Variants in COG1 observed in about 807,000 individuals in gnomAD.
COG1 encodes the protein component of oligomeric golgi complex 1.
A neutral mutation model predicts 102.2 loss-of-function variants in COG1; 61 were observed. The observed-to-expected ratio is 0.60, with a 90% CI of 0.49 to 0.74. The LOEUF is 0.74. Ranked by LOEUF, COG1 falls within the 30% of genes least tolerant of loss-of-function variation. COG1 has a pLI of 0.00. For synonymous variants in COG1, 454 were observed against 493.6 expected, an observed-to-expected ratio of 0.92 and a Z score of 1.06; for missense variants, 1,164 against 1,232.1, an observed-to-expected ratio of 0.94 and a Z score of 0.83.
chr17:73,208,363 C>A lies in COG1; in HGVS notation c.2855C>A (p.Ser952Tyr). 1 of 1,614,178 alleles carries A rather than the reference C, an allele frequency of 6.2e-7. No homozygotes were observed. The highest frequency in any genetic ancestry group is 8.5e-7 in the Non-Finnish European group (1 of 1,180,002). Reference sequence around the variant, plus strand: ...GCTGGTGACCCGACAGTTCCTGGCTCCTTGTTCAGACAGCTTGTCAGTGAA... The same window carrying A: ...GCTGGTGACCCGACAGTTCCTGGCTACTTGTTCAGACAGCTTGTCAGTGAA... ...STAGDPTVPG[S>Y]LFRQLVSEED... The change falls in exon 14 of 14, where the codon TCC (serine) becomes TAC (tyrosine). Residue 952 changes from serine (S) to tyrosine (Y), a missense_variant. Physicochemically the swap from Ser to Tyr is moderately radical, Grantham distance 144. Transcript: ENST00000299886.
chr17:73,202,002 T>A, intron 7 of COG1, 102 bp downstream of exon 7: 1 of 1,175,890 alleles, frequency 8.5e-7, no homozygotes, highest in Non-Finnish European at 1.2e-6. Flanking sequence ...AAAACAATTC[T>A]GATTTCATAC....
chr17:73,193,826 C>A (rs913295629), intron 1 of COG1, among the ~76,000 whole-genome samples: 2 of 152,128 alleles, frequency 1.3e-5, no homozygotes, highest in Non-Finnish European at 2.9e-5. Flanking sequence ...CCCTTATCTC[C>A]CCAAGAATAA....
intron 5 of COG1, 74 bp from the exon 6 acceptor site, chr17:73,200,492 T>C: frequency 8.2e-7 from 1 of 1,213,694 alleles, no homozygotes; most frequent in Non-Finnish European, 1.2e-6. Flanking sequence ...TCAAATGGGA[T>C]TCTGATGTTT....
intron 3 of COG1, 60 bp from the exon 4 acceptor site, chr17:73,197,166 T>C: frequency 1.2e-6 from 2 of 1,612,300 alleles, no homozygotes; most frequent in Non-Finnish European, 1.7e-6. Flanking sequence ...CTCCAGAGCG[T>C]CCTCTGTCTT....
At position 73,208,344 on chromosome 17, in the gene COG1, G is replaced by C. The variant is rs139440017; in HGVS notation, c.2836G>C (p.Asp946His). The C allele has an allele frequency of 1.9e-6, 3 of 1,613,970 alleles. No individual in the cohort carries two copies. The highest frequency in any genetic ancestry group is 2.5e-6 in the Non-Finnish European group (3 of 1,180,010). Reference sequence around the variant, plus strand: ...CCCCCCGGCACGCTCCACAGCTGGTGACCCGACAGTTCCTGGCTCCTTGTT... The same window carrying C: ...CCCCCCGGCACGCTCCACAGCTGGTCACCCGACAGTTCCTGGCTCCTTGTT... ...VVPPARSTAGDPTVPGSLFRQ... is the reference protein window; with the variant it reads ...VVPPARSTAGHPTVPGSLFRQ... The change falls in exon 14 of 14, where the codon GAC becomes CAC. Residue 946 changes from aspartate (D) to histidine (H), a missense_variant. Transcript: ENST00000299886.
Position 73,206,807 on chromosome 17 carries a change from A to G in COG1, c.2719A>G (p.Ser907Gly), listed in dbSNP as rs1468033790. Residue 907 changes from serine to glycine, a missense_variant, in exon 12 of 14, where the codon AGT (serine) becomes GGT (glycine). Coordinates refer to ENST00000299886, the MANE Select transcript of COG1 (RefSeq NM_018714.3). ...EPHNILPLAS[S>G]QIRFGLLPLS... ...CCATAACATCCTGCCACTGGCATCCAGTCAGATCAGGTAAAGGCTGCCAAG... is the reference window on the plus strand; with the variant it reads ...CCATAACATCCTGCCACTGGCATCCGGTCAGATCAGGTAAAGGCTGCCAAG... 1.2e-6 allele frequency: 2 copies of G among 1,613,334 alleles called. No homozygotes were observed. The highest frequency in any genetic ancestry group is 1.1e-5 in the South Asian group (1 of 91,060).
chr17:73,200,269 G>C (rs1156928800), intron 5 of COG1, among the ~76,000 whole-genome samples: 14 of 152,218 alleles, frequency 9.2e-5, no homozygotes, highest in Non-Finnish European at 1.9e-4. Context: ...CTTTATGTGA[G>C]AGTTCTGCAA....
chr17:73,194,934 T>G (rs2061319780), intron 1 of COG1, among the ~76,000 whole-genome samples: 1 of 152,228 alleles, frequency 6.6e-6, no homozygotes, highest in Non-Finnish European at 1.5e-5. Context: ...CTATCTGAGC[T>G]TTACAGAAAT....
rs771168375 is a variant in COG1 at position 73,200,037 on chromosome 17, G to T, written c.1070+16G>T. 1.2e-6 allele frequency: 2 copies of T among 1,605,746 alleles called. No homozygotes were observed. The highest frequency in any genetic ancestry group is 2.2e-5 in the South Asian group (2 of 89,736). On this transcript the variant is annotated intron_variant, in intron 5 of 13. Transcript: ENST00000299886. ...GGATCCACATGTAAGTAACCAGAAA[G>T]AGCTTCCCTGCAGCTGGCAGGAGCC... is the stretch of plus-strand genomic sequence containing the variant.
At chr17:73,196,359 G>A (rs191902433) in intron 1 of COG1, 148 bp from the exon 2 acceptor site, 4 of 1,159,520 alleles carry the variant, frequency 3.4e-6, no homozygotes, top group Non-Finnish European at 5.1e-6. Flanking sequence ...CTTCTACACT[G>A]GGCTTTGATG....
chr17:73,202,012 C>T (rs966740482), intron 7 of COG1, 112 bp downstream of exon 7: 19 of 1,125,182 alleles, frequency 1.7e-5, no homozygotes, highest in African/African-American at 7.7e-5. Flanking sequence ...TGATTTCATA[C>T]GGTTAACTTT....
Position 73,208,342 on chromosome 17 carries a change from G to T in COG1, c.2834G>T (p.Gly945Val). Residue 945 changes from glycine (G) to valine (V), a missense_variant, in exon 14 of 14, where the codon GGT becomes GTT. Physicochemically the swap from Gly to Val is moderately radical, Grantham distance 109. Coordinates refer to ENST00000299886, the MANE Select transcript of COG1 (RefSeq NM_018714.3). Reference sequence around the variant, plus strand: ...GTCCCCCCGGCACGCTCCACAGCTGGTGACCCGACAGTTCCTGGCTCCTTG... The same window carrying T: ...GTCCCCCCGGCACGCTCCACAGCTGTTGACCCGACAGTTCCTGGCTCCTTG... ...QVVPPARSTA[G>V]DPTVPGSLFR... 2.5e-6 allele frequency: 4 copies of T among 1,614,084 alleles called. No homozygotes were observed. Among genetic ancestry groups the T allele is most frequent in the Non-Finnish European group, 3.4e-6 (4 of 1,180,012 alleles).
At position 73,196,910 on chromosome 17, in the gene COG1, C is replaced by G; in HGVS notation, c.571C>G (p.Leu191Val). 1 of 1,614,224 alleles carries G rather than the reference C, an allele frequency of 6.2e-7. No individual in the cohort carries two copies. The change falls in exon 3 of 14, where the codon CTG becomes GTG. Residue 191 changes from leucine to valine, a missense_variant. Physicochemically the swap from Leu to Val is conservative, Grantham distance 32. Transcript: ENST00000299886. ...TCATCATTTTTCTAGGTCAACTATTCTGCATGAAAGCAAGATGTTGCTCAA... is the reference window on the plus strand; with the variant it reads ...TCATCATTTTTCTAGGTCAACTATTGTGCATGAAAGCAAGATGTTGCTCAA... Reference protein sequence around the residue: ...AAASHFRSTILHESKMLLKCQ... With the variant: ...AAASHFRSTIVHESKMLLKCQ...
In COG1 at chr17:73,193,186, C is replaced by G. The variant is rs1232142172; in HGVS notation, c.117C>G (p.Ala39=). Residue 39 remains alanine, a synonymous_variant, in exon 1 of 14, where the codon GCC becomes GCG. Coordinates refer to ENST00000299886, the MANE Select transcript of COG1 (RefSeq NM_018714.3). ...GCGGGCTGGAGCGCCAGGTTCGGGC[C>G]GAGATCGAGCACAAGAAGGAGGAGC... is the stretch of plus-strand genomic sequence containing the variant. ...EIRGLERQVR[A]EIEHKKEELR... 4 of 1,607,850 alleles carry G rather than the reference C, an allele frequency of 2.5e-6. No individual in the cohort carries two copies. The highest frequency in any genetic ancestry group is 1.7e-4 in the Middle Eastern group (1 of 5,968).
At chr17:73,204,368 G>A (rs992599148) in intron 9 of COG1, among the ~76,000 whole-genome samples, 3 of 152,138 alleles carry the variant, frequency 2.0e-5, no homozygotes, top group East Asian at 1.9e-4. Context: ...GACAGCCCCC[G>A]GCCCCAGCCA....
In COG1 at chr17:73,200,679, C is replaced by A. The variant is rs759328107; in HGVS notation, c.1184C>A (p.Thr395Asn). 6.2e-7 allele frequency: 1 copy of A among 1,614,134 alleles called. No individual in the cohort carries two copies. The highest frequency in any genetic ancestry group is 8.5e-7 in the Non-Finnish European group (1 of 1,180,012). ...AMWELLTNESTNHSWDVLCRR... is the reference protein window; with the variant it reads ...AMWELLTNESNNHSWDVLCRR... ...TGGGAGTTACTTACCAATGAGTCCACCAATCACAGCTGGGATGTGCTATGT... is the reference window on the plus strand; with the variant it reads ...TGGGAGTTACTTACCAATGAGTCCAACAATCACAGCTGGGATGTGCTATGT... Residue 395 changes from threonine (T) to asparagine (N), a missense_variant, in exon 6 of 14, where the codon ACC becomes AAC. By Grantham distance (65) the Thr-to-Asn change is moderately conservative. Transcript: ENST00000299886.
intron 4 of COG1, among the ~76,000 whole-genome samples, 170 bp downstream of exon 4, chr17:73,197,566 G>A (rs1025141697): frequency 6.6e-5 from 10 of 152,224 alleles, no homozygotes; most frequent in African/African-American, 2.4e-4. Flanking sequence ...GCAGGTATCA[G>A]ACTCACAAAT....
rs372868584 is a variant in COG1, at chr17:73,204,272, G to A, written c.2382+479G>A. 2.7e-4 allele frequency among the ~76,000 whole-genome samples: 41 copies of A among 152,312 alleles called. 1 individual carries two copies. In the South Asian group the frequency reaches 6.8e-3, roughly 25 times the overall value. On this transcript the variant is annotated intron_variant, in intron 9 of 13. Transcript: ENST00000299886. ...CTGCCACTGGTTCACTGGGGGCTCC[G>A]GGCAAATCATTAACCTCCGTTTCCT... is the stretch of plus-strand genomic sequence containing the variant.
chr17:73,199,798 A>G, intron 4 of COG1, 67 bp from the exon 5 acceptor site: 1 of 1,600,040 alleles, frequency 6.2e-7, no homozygotes, highest in South Asian at 1.1e-5. Flanking sequence ...GGCCTGGCCT[A>G]ACTCCCTGTT....
Sources: allele counts gnomAD v4.1 joint callset (sites outside exome capture counted in the v4.1 genomes callset), GRCh38; gene constraint gnomAD v4.1.1; transcripts MANE v1.5; gene names NCBI Gene and HGNC (gene_info 2026-07-23, HGNC 2026-07-21).